SNX4: variants seen among roughly 807,000 people sequenced by gnomAD.
SNX4 encodes sorting nexin-4.
Under a neutral mutation model 70.8 loss-of-function variants are expected in SNX4, and 49 were observed. The observed-to-expected ratio is 0.69, with a 90% CI of 0.55 to 0.88. SNX4 has a LOEUF of 0.88. SNX4 is among the 40% of genes least tolerant of loss of function. The pLI is 0.00. For synonymous variants in SNX4, 206 were observed against 183.8 expected (o/e 1.12, Z -0.98); for missense variants, 528 against 544.8 (o/e 0.97, Z 0.31).
At chr3:125,511,336 A>C (rs577040729) in intron 1 of SNX4, among the ~76,000 whole-genome samples, 1 of 152,232 alleles carries the variant, frequency 6.6e-6, no homozygotes, top group Admixed American at 6.5e-5. Context: ...AATATTATAC[A>C]TATGCCGAAA....
chr3:125,486,411 T>G (rs1164827655), intron 6 of SNX4, among the ~76,000 whole-genome samples: 4 of 152,188 alleles, frequency 2.6e-5, no homozygotes, highest in Admixed American at 6.5e-5. Context: ...TAGATGAAAC[T>G]TCTACTATGC....
At chr3:125,474,123 G>C (rs1287622335) in intron 8 of SNX4, among the ~76,000 whole-genome samples, 1 of 151,870 alleles carries the variant, frequency 6.6e-6, no homozygotes, top group Non-Finnish European at 1.5e-5. Flanking sequence ...TGGTATTCTT[G>C]GCACCTACCA....
chr3:125,480,029 A>T (rs1443126853), intron 7 of SNX4, among the ~76,000 whole-genome samples: 1 of 152,182 alleles, frequency 6.6e-6, no homozygotes, highest in Non-Finnish European at 1.5e-5. Flanking sequence ...CAACTATTCT[A>T]TTACAAACCA....
Position 125,458,099 on chromosome 3 carries a change from C to A in SNX4, c.945-734G>T, listed in dbSNP as rs557183885. Among the ~76,000 whole-genome samples, 10 of 151,440 alleles carry A rather than the reference C, an allele frequency of 6.6e-5. No homozygotes were observed. The South Asian group carries it at 2.1e-3, about 32-fold the overall frequency. ...GAACTAATGCTGTAATCTCACATAG[C>A]AACTGAGTATTCTTAGAAAAGATAA... is the stretch of plus-strand genomic sequence containing the variant. On this transcript the variant is annotated intron_variant, in intron 10 of 13. Transcript: ENST00000251775.
chr3:125,506,209 A>C (rs545529689), intron 1 of SNX4, among the ~76,000 whole-genome samples: 44 of 152,240 alleles, frequency 2.9e-4, no homozygotes, highest in Non-Finnish European at 4.7e-4. Context: ...ACAACAACAA[A>C]AAAAATCACA....
chr3:125,500,655 A>G (rs902118665), intron 2 of SNX4, among the ~76,000 whole-genome samples: 15 of 151,804 alleles, frequency 9.9e-5, no homozygotes, highest in Admixed American at 9.8e-4. Context: ...ACAAAAAATT[A>G]CCCAGGCGTG....
intron 8 of SNX4, among the ~76,000 whole-genome samples, chr3:125,475,795 A>G (rs1381510760): frequency 6.6e-6 from 1 of 152,090 alleles, no homozygotes; most frequent in Non-Finnish European, 1.5e-5. Context: ...TGGGCAACAT[A>G]GTAAAGTCCC....
At chr3:125,477,242 G>A (rs919374145) in intron 7 of SNX4, among the ~76,000 whole-genome samples, 2 of 152,098 alleles carry the variant, frequency 1.3e-5, no homozygotes, top group African/African-American at 2.4e-5. Flanking sequence ...CCAAGGGAAC[G>A]GATACATTTT....
chr3:125,506,973 G>A (rs113960233), intron 1 of SNX4, among the ~76,000 whole-genome samples: 8,796 of 150,856 alleles, frequency 0.058, 614 homozygotes, highest in African/African-American at 0.16. Context: ...AGGCTGAGGC[G>A]GGCAGGTCAC....
intron 7 of SNX4, among the ~76,000 whole-genome samples, chr3:125,477,887 C>T (rs1934320810): frequency 6.6e-6 from 1 of 152,040 alleles, no homozygotes; most frequent in Non-Finnish European, 1.5e-5. Context: ...GCTAACAAAG[C>T]TGAAAACACC....
Position 125,496,328 on chromosome 3 carries a change from G to A in SNX4, c.597+1013C>T, listed in dbSNP as rs576758875. Among the ~76,000 whole-genome samples the A allele has an allele frequency of 3.9e-5, 6 of 152,152 alleles. No individual in the cohort carries two copies. The East Asian group carries it at 1.2e-3, about 29-fold the overall frequency. ...AAAACTCCAAAATATTTATAAATTA[G>A]AATCAGTTTATGACAGAACTGGTTT... On this transcript the variant is annotated intron_variant, in intron 5 of 13. Transcript: ENST00000251775.
chr3:125,478,048 C>CTTT (rs2107543707), intron 7 of SNX4, among the ~76,000 whole-genome samples: 1 of 90,506 alleles, frequency 1.1e-5, no homozygotes, highest in East Asian at 3.2e-4. Flanking sequence ...CCTCCTCCTC[C>CTTT]TTCTTCTTCT....
intron 11 of SNX4, among the ~76,000 whole-genome samples, chr3:125,456,570 C>A (rs2107841996): frequency 6.6e-6 from 1 of 152,256 alleles, no homozygotes; most frequent in Non-Finnish European, 1.5e-5. Flanking sequence ...CCACTTGATC[C>A]CAGGAGTTTG....
At position 125,516,474 on chromosome 3, in the gene SNX4, C is replaced by T. The variant is rs750097537; in HGVS notation, c.141+3558G>A. 1.3e-5 allele frequency among the ~76,000 whole-genome samples: 2 copies of T among 152,116 alleles called. 1 individual carries two copies. Among genetic ancestry groups the T allele is most frequent in the South Asian group, 4.1e-4 (2 of 4,824 alleles). On this transcript the variant is annotated intron_variant, in intron 1 of 13. Transcript: ENST00000251775. ...CCAGAAGAGTCTTGTGACTCTTTGGCGGTGCAGTTTCCACAACCTCTTGGG... is the reference window on the plus strand; with the variant it reads ...CCAGAAGAGTCTTGTGACTCTTTGGTGGTGCAGTTTCCACAACCTCTTGGG...
intron 8 of SNX4, among the ~76,000 whole-genome samples, chr3:125,476,033 C>T (rs368471887): frequency 9.9e-5 from 15 of 150,928 alleles, no homozygotes; most frequent in South Asian, 4.2e-4. Context: ...TTTAGGAGGC[C>T]GAGGCGGGTG....
chr3:125,460,717 G>T (rs1933856009), intron 10 of SNX4, 54 bp downstream of exon 10: 3 of 784,692 alleles, frequency 3.8e-6, no homozygotes, highest in African/African-American at 1.8e-5. Context: ...AGTGGCATAT[G>T]AGGAGAGTGG....
In SNX4 at chr3:125,454,898, T is replaced by C. The variant is rs377617047; in HGVS notation, c.1045-943A>G. On this transcript the variant is annotated intron_variant, in intron 11 of 13. Coordinates refer to ENST00000251775, the MANE Select transcript of SNX4 (RefSeq NM_003794.4). Reference sequence around the variant, plus strand: ...TAGAATTTCTAACACTGAAATAATATGGAGTAGTCAAAAAGAAGACACTTC... The same window carrying C: ...TAGAATTTCTAACACTGAAATAATACGGAGTAGTCAAAAAGAAGACACTTC... 4.6e-5 allele frequency among the ~76,000 whole-genome samples: 7 copies of C among 152,228 alleles called. 1 individual carries two copies. The highest frequency in any genetic ancestry group is 6.5e-5 in the Admixed American group (1 of 15,286).
At chr3:125,505,214 C>G (rs1379264190) in intron 1 of SNX4, among the ~76,000 whole-genome samples, 1 of 152,234 alleles carries the variant, frequency 6.6e-6, no homozygotes. Context: ...AGGTGTTCCA[C>G]CTGCCTTGGC....
In SNX4 at chr3:125,519,942, C is replaced by T. The variant is rs569390135; in HGVS notation, c.141+90G>A. Reference sequence around the variant, plus strand: ...GCCTCCTCGGCCGAGCCCACTGGCCCGGCCCGGCCCAGCCCAGCCCAGCCC... The same window carrying T: ...GCCTCCTCGGCCGAGCCCACTGGCCTGGCCCGGCCCAGCCCAGCCCAGCCC... On this transcript the variant is annotated intron_variant, in intron 1 of 13. Transcript: ENST00000251775. 5.5e-6 allele frequency: 5 copies of T among 901,906 alleles called. No homozygotes were observed. The East Asian group carries it at 1.7e-4, about 30-fold the overall frequency. 55.9% of individuals were successfully genotyped at this position (901,906 alleles called of 1,614,324 possible). A position where few individuals can be genotyped will look rare whatever the true frequency, so the allele number is the denominator to read the frequency against.
Sources: gnomAD v4.1 joint callset for allele counts (sites outside exome capture counted in the v4.1 genomes callset) on GRCh38, gnomAD v4.1.1 for gene constraint, MANE v1.5 for transcripts, NCBI Gene and HGNC (gene_info 2026-07-23, HGNC 2026-07-21) for gene names.